The following CDH12 variants were observed in gnomAD, a reference collection of about 807,000 sequenced individuals.
The protein encoded by CDH12 is cadherin 12, also known as cadherin-12.
A neutral mutation model predicts 74.1 loss-of-function variants in CDH12; 41 were observed. The observed-to-expected ratio is 0.55, with a 90% CI of 0.43 to 0.72. The LOEUF is 0.72. Among genes scored for constraint, CDH12 ranks in the 30% least tolerant of loss-of-function variants. The pLI, the probability that CDH12 is intolerant of heterozygous loss-of-function variation, is 0.00. For missense variants in CDH12, 945 were observed against 977.2 expected (o/e 0.97, Z 0.44); for synonymous variants, 399 against 355.0 (o/e 1.12, Z -1.39).
intron 1 of CDH12, among the ~76,000 whole-genome samples, chr5:22,754,244 G>T (rs546661303): frequency 6.6e-6 from 1 of 152,280 alleles, no homozygotes; most frequent in East Asian, 1.9e-4. Flanking sequence ...ATTATGTTGT[G>T]CACCAGTTGA....
intron 6 of CDH12, among the ~76,000 whole-genome samples, chr5:21,897,944 G>A (rs889900756): frequency 2.0e-5 from 3 of 152,044 alleles, no homozygotes; most frequent in African/African-American, 4.8e-5. Flanking sequence ...TAGGTTATAT[G>A]CCATTTAATG....
chr5:22,083,268 A>G (rs764153198), intron 4 of CDH12, among the ~76,000 whole-genome samples: 9 of 152,336 alleles, frequency 5.9e-5, no homozygotes, highest in East Asian at 5.8e-4. Context: ...CGACCTCTGC[A>G]TGTTCAACCC....
At chr5:22,585,785 G>T (rs535215639) in intron 1 of CDH12, among the ~76,000 whole-genome samples, 4 of 151,882 alleles carry the variant, frequency 2.6e-5, no homozygotes, top group South Asian at 4.2e-4. Flanking sequence ...GAGCTTTATG[G>T]TTTCTAGGTC....
At chr5:22,502,985 A>C (rs150710356) in intron 2 of CDH12, among the ~76,000 whole-genome samples, 3 of 152,046 alleles carry the variant, frequency 2.0e-5, no homozygotes, top group African/African-American at 7.2e-5. Flanking sequence ...TTCTCTTTAT[A>C]GTCTAGTTCA....
chr5:22,508,710 C>T (rs1460592175), intron 1 of CDH12, among the ~76,000 whole-genome samples: 1 of 152,130 alleles, frequency 6.6e-6, no homozygotes, highest in Admixed American at 6.6e-5. Flanking sequence ...TAATAGTCAA[C>T]CAGAAAATGT....
chr5:21,893,941 T>G (rs546069944), intron 6 of CDH12, among the ~76,000 whole-genome samples: 1 of 152,358 alleles, frequency 6.6e-6, no homozygotes, highest in Admixed American at 6.5e-5. Flanking sequence ...TTGAGTTTTT[T>G]ATTTTAATTA....
At chr5:22,543,817 G>C (rs780030465) in intron 1 of CDH12, among the ~76,000 whole-genome samples, 3 of 152,044 alleles carry the variant, frequency 2.0e-5, no homozygotes, top group African/African-American at 7.2e-5. Context: ...CTTACTCTCT[G>C]TATCAATGCT....
chr5:21,829,537 A>T (rs207465714), intron 8 of CDH12, among the ~76,000 whole-genome samples: 1 of 152,166 alleles, frequency 6.6e-6, no homozygotes. Flanking sequence ...TTTCATTTTC[A>T]TGGTTTTTAG....
intron 6 of CDH12, chr5:21,882,841 T>C (rs535556870): frequency 6.4e-7 from 1 of 1,562,288 alleles, no homozygotes; most frequent in Non-Finnish European, 8.8e-7. Context: ...GCAAAGTCAA[T>C]TGACTTGAAG....
chr5:22,204,254 G>T (rs7444344), intron 4 of CDH12, among the ~76,000 whole-genome samples: 12 of 151,838 alleles, frequency 7.9e-5, no homozygotes, highest in South Asian at 4.2e-4. Context: ...CTCCGCCTCG[G>T]GGTTCACGCC....
At chr5:22,606,948 G>C (rs1388413008) in intron 1 of CDH12, among the ~76,000 whole-genome samples, 1 of 152,146 alleles carries the variant, frequency 6.6e-6, no homozygotes, top group Non-Finnish European at 1.5e-5. Flanking sequence ...CTCAGATGGA[G>C]ATTAGGAATT....
chr5:22,160,259 A>G (rs1748265224), intron 4 of CDH12, among the ~76,000 whole-genome samples: 1 of 152,218 alleles, frequency 6.6e-6, no homozygotes, highest in African/African-American at 2.4e-5. Flanking sequence ...AACAAGATAA[A>G]GCAAAACAAA....
intron 1 of CDH12, among the ~76,000 whole-genome samples, chr5:22,551,830 C>CT (rs1738587234): frequency 6.6e-6 from 1 of 152,158 alleles, no homozygotes; most frequent in Admixed American, 6.6e-5. Flanking sequence ...CAAAGCTATA[C>CT]TTTTCCAAAA....
intron 6 of CDH12, among the ~76,000 whole-genome samples, chr5:21,882,378 G>GA (rs1752396343): frequency 1.3e-5 from 2 of 152,232 alleles, no homozygotes; most frequent in African/African-American, 4.8e-5. Context: ...ATTTCAAATT[G>GA]ATTTTTAAAT....
chr5:22,647,325 A>C (rs77161356), intron 1 of CDH12, among the ~76,000 whole-genome samples: 2,166 of 151,976 alleles, frequency 0.014, 27 homozygotes, highest in Middle Eastern at 0.034. Context: ...ATTAATATTT[A>C]AATTCTATAA....
At position 22,199,045 on chromosome 5, in the gene CDH12, G is replaced by T. The variant is rs987899311; in HGVS notation, c.-187+13453C>A. ...GGAAATTGGAGAGGCACATGAACTT[G>T]AATTCTGATAATAGAGAAAGTGCCA... On this transcript the variant is annotated intron_variant, in intron 4 of 14. Coordinates refer to ENST00000382254, the MANE Select transcript of CDH12 (RefSeq NM_004061.5). Among the ~76,000 whole-genome samples the T allele has an allele frequency of 2.5e-4, 38 of 152,216 alleles. No homozygotes were observed. In the East Asian group the frequency reaches 7.0e-3, roughly 28 times the overall value.
At chr5:22,325,101 G>A (rs1194366552) in intron 3 of CDH12, among the ~76,000 whole-genome samples, 1 of 152,170 alleles carries the variant, frequency 6.6e-6, no homozygotes, top group Non-Finnish European at 1.5e-5. Context: ...GAAAATGGTC[G>A]TGTTTTGGTG....
At chr5:21,861,234 T>A (rs1370000984) in intron 6 of CDH12, among the ~76,000 whole-genome samples, 1 of 151,676 alleles carries the variant, frequency 6.6e-6, no homozygotes, top group Admixed American at 6.6e-5. Context: ...TATCTCTACC[T>A]ATCTAGTATA....
At chr5:22,387,794 C>G (rs1396554009) in intron 3 of CDH12, among the ~76,000 whole-genome samples, 1 of 152,100 alleles carries the variant, frequency 6.6e-6, no homozygotes. Context: ...AGTTCACATG[C>G]TTGAACCACT....
Sources: gnomAD v4.1 joint callset for allele counts (sites outside exome capture counted in the v4.1 genomes callset) on GRCh38, gnomAD v4.1.1 for gene constraint, MANE v1.5 for transcripts, NCBI Gene and HGNC (gene_info 2026-07-23, HGNC 2026-07-21) for gene names.